Variants in ATP10A observed in about 807,000 individuals in gnomAD.
The protein encoded by ATP10A is ATPase phospholipid transporting 10A (putative).
In ATP10A, 111 loss-of-function variants were observed where a neutral mutation model predicts 147.8. The ratio of observed to expected loss-of-function variants is 0.75; its 90% CI spans 0.64 to 0.88. The LOEUF is 0.88. Ranked by LOEUF, ATP10A falls within the 40% of genes least tolerant of loss-of-function variation. The probability of loss-of-function intolerance (pLI) is 0.00; values close to 1 mark genes in which losing one functional copy is unlikely to be tolerated. For synonymous variants in ATP10A, 875 were observed against 841.6 expected, an observed-to-expected ratio of 1.04 and a Z score of -0.69; for missense variants, 1,927 against 1,959.0, an observed-to-expected ratio of 0.98 and a Z score of 0.31.
At chr15:25,742,633 G>A (rs1027824743) in intron 2 of ATP10A, among the ~76,000 whole-genome samples, 2 of 152,110 alleles carry the variant, frequency 1.3e-5, no homozygotes, top group East Asian at 1.9e-4. Context: ...GGCCCCAAAC[G>A]CTCCATGCTG....
chr15:25,708,473 T>TCTGCAA, intron 10 of ATP10A, 173 bp from the exon 11 acceptor site: 1 of 600,208 alleles, frequency 1.7e-6, no homozygotes, highest in South Asian at 2.1e-5. Context: ...GTCTCATCAA[T>TCTGCAA]ATGTTTGACT....
intron 9 of ATP10A, among the ~76,000 whole-genome samples, chr15:25,714,890 C>T (rs1901686280): frequency 6.6e-6 from 1 of 151,946 alleles, no homozygotes; most frequent in Non-Finnish European, 1.5e-5. Context: ...ATTAAATACA[C>T]TGACAAATTG....
At chr15:25,766,865 G>A (rs1422803894) in intron 2 of ATP10A, among the ~76,000 whole-genome samples, 2 of 150,842 alleles carry the variant, frequency 1.3e-5, no homozygotes, top group African/African-American at 4.9e-5. Flanking sequence ...TACTCTAATC[G>A]GGGTTTTGTC....
chr15:25,701,461 T>G (rs1366439180), intron 13 of ATP10A, among the ~76,000 whole-genome samples: 1 of 152,180 alleles, frequency 6.6e-6, no homozygotes. Flanking sequence ...AGTGGGAACT[T>G]CTGCGAGGAC....
intron 2 of ATP10A, among the ~76,000 whole-genome samples, chr15:25,749,602 T>C (rs1422411115): frequency 6.6e-6 from 1 of 152,198 alleles, no homozygotes; most frequent in Non-Finnish European, 1.5e-5. Context: ...TGGCATCCTA[T>C]TAAAGATTAT....
intron 1 of ATP10A, among the ~76,000 whole-genome samples, chr15:25,848,578 C>T (rs1893138947): frequency 6.6e-6 from 1 of 152,082 alleles, no homozygotes; most frequent in Non-Finnish European, 1.5e-5. Context: ...CTAGAGGCCG[C>T]CCACACTCCT....
rs1035416991 is a variant in ATP10A at position 25,789,433 on chromosome 15, G to A, written c.450-8210C>T. On this transcript the variant is annotated intron_variant, in intron 1 of 20. Coordinates refer to ENST00000555815, the MANE Select transcript of ATP10A (RefSeq NM_024490.4). ...ATGTGAAACCAGGACACAGTGAGGC[G>A]AGCCCTAAATGGGAGGATCACCACA... Among the ~76,000 whole-genome samples the A allele has an allele frequency of 2.0e-5, 3 of 152,082 alleles. No individual in the cohort carries two copies. The East Asian group carries it at 5.8e-4, about 29-fold the overall frequency.
intron 2 of ATP10A, among the ~76,000 whole-genome samples, chr15:25,737,684 C>T (rs182589771): frequency 9.7e-4 from 147 of 152,200 alleles, no homozygotes; most frequent in Non-Finnish European, 2.0e-3. Context: ...CCTCATCCGC[C>T]GCTAGAACTC....
intron 1 of ATP10A, among the ~76,000 whole-genome samples, chr15:25,832,960 A>AT (rs544084971): frequency 1.7e-4 from 25 of 148,132 alleles, no homozygotes; most frequent in South Asian, 1.1e-3. Flanking sequence ...TGTCAATTAC[A>AT]TTTTTTTAAT....
chr15:25,687,241 C>G (rs1567300029), intron 16 of ATP10A, among the ~76,000 whole-genome samples: 1 of 151,562 alleles, frequency 6.6e-6, no homozygotes, highest in Non-Finnish European at 1.5e-5. Flanking sequence ...TCCGTCTACT[C>G]TAGAGAAAAT....
At chr15:25,842,795 C>T (rs1189586627) in intron 1 of ATP10A, among the ~76,000 whole-genome samples, 1 of 152,042 alleles carries the variant, frequency 6.6e-6, no homozygotes, top group Non-Finnish European at 1.5e-5. Flanking sequence ...CTCACTGCAA[C>T]CTTGAACTCC....
intron 2 of ATP10A, among the ~76,000 whole-genome samples, chr15:25,763,649 C>G (rs1888873099): frequency 1.3e-5 from 2 of 152,248 alleles, no homozygotes; most frequent in African/African-American, 2.4e-5. Context: ...CAGCAAGACA[C>G]TGATTCTGCA....
Position 25,702,080 on chromosome 15 carries a change from G to A in ATP10A, c.2596C>T (p.Arg866Cys), listed in dbSNP as rs781169989. 6.8e-6 allele frequency: 11 copies of A among 1,612,610 alleles called. No homozygotes were observed. The highest frequency in any genetic ancestry group is 5.5e-5 in the South Asian group (5 of 90,836). The part of the protein sequence containing the change: ...HLLGATGIED[R>C]LQDGVPETIS... ...GTTTCAGGGACTCCGTCCTGCAGGC[G>A]GTCTTCAATCCCAGTGGCACCTGGT... Residue 866 changes from arginine (R) to cysteine (C), a missense_variant, in exon 13 of 21, where the codon CGC (arginine) becomes TGC (cysteine). Transcript: ENST00000555815.
chr15:25,701,792 C>G, intron 13 of ATP10A, 124 bp downstream of exon 13: 2 of 980,666 alleles, frequency 2.0e-6, no homozygotes, highest in Non-Finnish European at 3.0e-6. Context: ...CATCCTAAAC[C>G]CGAATGCGGA....
At chr15:25,777,882 G>A (rs1448233581) in intron 2 of ATP10A, among the ~76,000 whole-genome samples, 1 of 151,554 alleles carries the variant, frequency 6.6e-6, no homozygotes, top group Non-Finnish European at 1.5e-5. Context: ...AAAGTGCTGG[G>A]ATTATGGGCG....
intron 1 of ATP10A, among the ~76,000 whole-genome samples, chr15:25,838,087 T>A (rs1327891483): frequency 1.3e-5 from 2 of 152,202 alleles, no homozygotes; most frequent in African/African-American, 2.4e-5. Context: ...TCATTAAACA[T>A]GAACCAGCAT....
chr15:25,811,782 A>C (rs984872877), intron 1 of ATP10A, among the ~76,000 whole-genome samples: 1 of 152,074 alleles, frequency 6.6e-6, no homozygotes, highest in Non-Finnish European at 1.5e-5. Flanking sequence ...ACCCAGCCTG[A>C]CCTCGTAGCA....
chr15:25,747,287 C>CAAAAAAAA (rs34660034), intron 2 of ATP10A, among the ~76,000 whole-genome samples: 2 of 113,248 alleles, frequency 1.8e-5, no homozygotes, highest in African/African-American at 3.2e-5. Context: ...AACTCCATCT[C>CAAAAAAAA]AAAAAAAAAA....
intron 1 of ATP10A, among the ~76,000 whole-genome samples, chr15:25,785,301 T>A (rs902045583): frequency 2.0e-5 from 3 of 151,740 alleles, no homozygotes; most frequent in Non-Finnish European, 4.4e-5. Context: ...CTGGGGTCCT[T>A]ATAAGAGAAA....
Sources: allele counts gnomAD v4.1 joint callset (sites outside exome capture counted in the v4.1 genomes callset), GRCh38; gene constraint gnomAD v4.1.1; transcripts MANE v1.5; gene names NCBI Gene and HGNC (gene_info 2026-07-23, HGNC 2026-07-21).